The following HERC2 variants were observed in gnomAD, a reference collection of about 807,000 sequenced individuals.
HERC2 encodes E3 ubiquitin-protein ligase HERC2.
In HERC2, 102 loss-of-function variants were observed where a neutral mutation model predicts 537.7. That is an observed-to-expected ratio of 0.19 (90% CI 0.16 to 0.22). The LOEUF (loss-of-function observed/expected upper bound fraction) is 0.22, where lower values mean the gene tolerates loss of function less well. Among genes scored for constraint, HERC2 ranks in the 10% least tolerant of loss-of-function variants. The pLI is 1.00. For synonymous variants in HERC2, 2,224 were observed against 2,466.2 expected (o/e 0.90, Z 2.91); for missense variants, 4,236 against 6,198.2 (o/e 0.68, Z 10.63).
At chr15:28,315,902 C>T (rs1456060370) in intron 2 of HERC2, 4 of 456,856 alleles carry the variant, frequency 8.8e-6, no homozygotes, top group Admixed American at 5.5e-5. Flanking sequence ...AGAACTTCAT[C>T]GCCCTCTGAT....
chr15:28,200,602 C>T (rs931296349), intron 48 of HERC2, among the ~76,000 whole-genome samples: 6 of 152,128 alleles, frequency 3.9e-5, no homozygotes, highest in African/African-American at 1.4e-4. Flanking sequence ...TTGGAATAGA[C>T]GTCAAAGATC....
chr15:28,306,855 GAC>G (rs2076803009), intron 2 of HERC2, among the ~76,000 whole-genome samples: 1 of 152,048 alleles, frequency 6.6e-6, no homozygotes, highest in Admixed American at 6.5e-5. Flanking sequence ...TTTTTTTGAA[GAC>G]ACAGTCTCAC....
chr15:28,119,202 C>A (rs574968299), intron 86 of HERC2, among the ~76,000 whole-genome samples: 1 of 151,974 alleles, frequency 6.6e-6, no homozygotes, highest in Non-Finnish European at 1.5e-5. Flanking sequence ...TTGGGACCAG[C>A]CTGGCCAACA....
chr15:28,222,122 G>A lies in HERC2; in HGVS notation c.5558C>T (p.Pro1853Leu), dbSNP rs752289895. Residue 1853 changes from proline (P) to leucine (L), a missense_variant, in exon 36 of 93, where the codon CCT becomes CTT. Around this residue, in one of 27 missense-constraint regions of HERC2, gnomAD observed 343 missense variants for 417.2 expected, o/e 0.82. Transcript: ENST00000261609. ...TGGTCCTGAAACAGGGAGCTGCACAGGAGCCGTTTCCTTCCTTGTTTCTTC... is the reference window on the plus strand; with the variant it reads ...TGGTCCTGAAACAGGGAGCTGCACAAGAGCCGTTTCCTTCCTTGTTTCTTC... ...VLEETRKETA[P>L]VQLPVSGPEL... The A allele has an allele frequency of 3.2e-5, 34 of 1,075,724 alleles. 1 individual carries two copies. Among genetic ancestry groups the A allele is most frequent in the Admixed American group, 3.1e-4 (18 of 58,856 alleles). The allele number at this position is 1,075,724 out of a possible 1,614,324, so 66.6% of individuals were successfully genotyped here.
At chr15:28,119,243 A>T (rs1159631204) in intron 86 of HERC2, among the ~76,000 whole-genome samples, 1 of 151,840 alleles carries the variant, frequency 6.6e-6, no homozygotes, top group Non-Finnish European at 1.5e-5. Context: ...AAAATACAAA[A>T]AAAAAAATTA....
At chr15:28,117,277 C>A (rs1307818466) in intron 86 of HERC2, 123 bp from the exon 87 acceptor site, 2 of 995,644 alleles carry the variant, frequency 2.0e-6, no homozygotes, top group South Asian at 2.7e-5. Context: ...TCCCTGGTCA[C>A]ACACCTGCTT....
Position 28,176,340 on chromosome 15 carries a change from C to G in HERC2, c.9686+88G>C. 8.1e-7 allele frequency: 1 copy of G among 1,233,112 alleles called. No individual in the cohort carries two copies. Among genetic ancestry groups the G allele is most frequent in the South Asian group, 1.3e-5 (1 of 74,132 alleles). The allele number at this position is 1,233,112 out of a possible 1,614,324, so 76.4% of individuals were successfully genotyped here. ...AAGTAAAAAGAGGACACGTCACAAT[C>G]ACGCCGGGTGAGCCTGGGGCGAGGC... On this transcript the variant is annotated intron_variant, in intron 63 of 92. Transcript: ENST00000261609. The surrounding 1 kb of genome is among the most constrained non-coding windows in gnomAD (Gnocchi z 5.0).
chr15:28,230,719 G>A (rs1385269857), intron 30 of HERC2, among the ~76,000 whole-genome samples: 2 of 151,638 alleles, frequency 1.3e-5, no homozygotes, highest in African/African-American at 2.4e-5. Context: ...CCCGAAGCAC[G>A]GGAAGCCCGG....
chr15:28,317,755 G>A (rs1444314243), intron 2 of HERC2, among the ~76,000 whole-genome samples: 1 of 152,178 alleles, frequency 6.6e-6, no homozygotes, highest in Non-Finnish European at 1.5e-5. Context: ...GAATGGCACA[G>A]AACTACGCAC....
intron 2 of HERC2, among the ~76,000 whole-genome samples, chr15:28,317,491 C>T (rs1225717125): frequency 6.6e-6 from 1 of 152,314 alleles, no homozygotes; most frequent in Middle Eastern, 3.4e-3. Flanking sequence ...TAAATGGTCC[C>T]AGTTTAGCTA....
rs1764420616 is a variant in HERC2, at chr15:28,122,708, A to G, written c.13189-1279T>C. ...CTCTCTGAGGCCGATCCTCACCATA[A>G]CCAGGACCAGAACCGAGGCTGCCTA... is the stretch of plus-strand genomic sequence containing the variant. On this transcript the variant is annotated intron_variant, in intron 85 of 92. Coordinates refer to ENST00000261609, the MANE Select transcript of HERC2 (RefSeq NM_004667.6). The surrounding 1 kb of genome is among the most constrained non-coding windows in gnomAD (Gnocchi z 4.1). Among the ~76,000 whole-genome samples the G allele has an allele frequency of 6.6e-6, 1 of 152,006 alleles. No homozygotes were observed. The highest frequency in any genetic ancestry group is 1.5e-5 in the Non-Finnish European group (1 of 67,996).
In HERC2 at chr15:28,168,565, G is replaced by A. The variant is rs753350608; in HGVS notation, c.10255C>T (p.Pro3419Ser). Residue 3419 changes from proline to serine, a missense_variant, in exon 67 of 93, where the codon CCG becomes TCG. Transcript: ENST00000261609. ...TCCACCGGGGCGATCATGGCGGCCG[G>A]CATCAGGGCCCCGACAACAGCATCT... ...ARDAVVGALM[P>S]AAMIAPVECP... 56 of 1,613,992 alleles carry A rather than the reference G, an allele frequency of 3.5e-5. No homozygotes were observed. In the South Asian group the frequency reaches 6.0e-4, roughly 17 times the overall value.
chr15:28,145,292 G>C (rs1173791099), intron 71 of HERC2, among the ~76,000 whole-genome samples: 2 of 152,244 alleles, frequency 1.3e-5, no homozygotes, highest in Admixed American at 1.3e-4. Context: ...AGGGAGCAGA[G>C]GGCCTGGCTG....
intron 4 of HERC2, among the ~76,000 whole-genome samples, chr15:28,289,639 G>A (rs1317068858): frequency 6.6e-6 from 1 of 152,212 alleles, no homozygotes; most frequent in African/African-American, 2.4e-5. Flanking sequence ...TTCGCTAAGA[G>A]AAGTGTCCTT....
rs753870557 is a variant in HERC2, at chr15:28,245,873, C to T, written c.3577+8G>A. 1.1e-5 allele frequency: 18 copies of T among 1,611,968 alleles called. No individual in the cohort carries two copies. In the East Asian group the frequency reaches 1.8e-4, roughly 16 times the overall value. On this transcript the variant is annotated splice_region_variant and intron_variant, in intron 23 of 92. Coordinates refer to ENST00000261609, the MANE Select transcript of HERC2 (RefSeq NM_004667.6). ...TTTCCTCAGTAAAACTCCTTTAAGA[C>T]GCCGTACCCATTATGCCAGGCCAGG... is the stretch of plus-strand genomic sequence containing the variant.
chr15:28,137,036 A>G (rs1890718262), intron 78 of HERC2, among the ~76,000 whole-genome samples: 1 of 152,156 alleles, frequency 6.6e-6, no homozygotes, highest in African/African-American at 2.4e-5. Context: ...TAAAACAACC[A>G]AAACAACAAC....
intron 69 of HERC2, among the ~76,000 whole-genome samples, chr15:28,155,512 G>A (rs1477020115): frequency 1.3e-5 from 2 of 152,024 alleles, no homozygotes; most frequent in East Asian, 3.9e-4. Context: ...TTCTCTGATG[G>A]CCAGTGATGA....
At chr15:28,291,807 A>G (rs1405821987) in intron 4 of HERC2, among the ~76,000 whole-genome samples, 1 of 146,678 alleles carries the variant, frequency 6.8e-6, no homozygotes, top group Non-Finnish European at 1.5e-5. Flanking sequence ...CGGAAGGCTG[A>G]GGCAGGAGAA....
intron 26 of HERC2, among the ~76,000 whole-genome samples, chr15:28,235,138 T>C (rs954572868): frequency 6.6e-6 from 1 of 152,014 alleles, no homozygotes; most frequent in Non-Finnish European, 1.5e-5. Flanking sequence ...GGGATGCACT[T>C]AGTGTTCTTT....
Sources: gnomAD v4.1 joint callset for allele counts (sites outside exome capture counted in the v4.1 genomes callset) on GRCh38, gnomAD v4.1.1 for gene constraint, gnomAD v4.1.1 regional missense constraint, Gnocchi (gnomAD v3.1) non-coding constraint, MANE v1.5 for transcripts, NCBI Gene and HGNC (gene_info 2026-07-23, HGNC 2026-07-21) for gene names.